LARP1: variants seen among roughly 807,000 people sequenced by gnomAD.
LARP1 encodes the protein la-related protein 1.
LARP1 carries 36 observed loss-of-function variants against 122.7 expected under a neutral mutation model. The observed-to-expected ratio is 0.29, with a 90% CI of 0.22 to 0.39. The LOEUF is 0.39. Among genes scored for constraint, LARP1 ranks in the 10% least tolerant of loss-of-function variants. LARP1 has a pLI of 1.00. For missense variants in LARP1, 1,040 were observed against 1,403.6 expected, an observed-to-expected ratio of 0.74 and a Z score of 4.14; for synonymous variants, 539 against 528.7, an observed-to-expected ratio of 1.02 and a Z score of -0.27.
intron 1 of LARP1, among the ~76,000 whole-genome samples, chr5:154,742,837 C>A (rs1440861849): frequency 5.9e-5 from 9 of 151,910 alleles, no homozygotes; most frequent in Non-Finnish European, 1.3e-4. Context: ...GAGGTCCCAA[C>A]AAGAAAAGGA....
chr5:154,693,821 A>C (rs1306226266), intron 1 of LARP1, among the ~76,000 whole-genome samples: 1 of 150,006 alleles, frequency 6.7e-6, no homozygotes, highest in African/African-American at 2.5e-5. Context: ...GCGCCACTGC[A>C]CTCCAGCCTG....
intron 18 of LARP1, 63 bp downstream of exon 18, chr5:154,811,703 A>C: frequency 6.3e-7 from 1 of 1,597,926 alleles, no homozygotes. Flanking sequence ...AGGAATCAGG[A>C]TACTTGGATT....
chr5:154,801,287 AT>A (rs1440235674), intron 10 of LARP1, among the ~76,000 whole-genome samples: 4 of 152,162 alleles, frequency 2.6e-5, no homozygotes, highest in African/African-American at 9.7e-5. Flanking sequence ...TGGCTTACTT[AT>A]GTTCATCCTG....
At chr5:154,730,098 T>A (rs1299697628) in intron 1 of LARP1, among the ~76,000 whole-genome samples, 1 of 152,360 alleles carries the variant, frequency 6.6e-6, no homozygotes, top group Non-Finnish European at 1.5e-5. Flanking sequence ...CAAAATATTA[T>A]AACACCAATA....
chr5:154,696,538 A>G (rs1426133189), intron 1 of LARP1, among the ~76,000 whole-genome samples: 1 of 152,218 alleles, frequency 6.6e-6, no homozygotes, highest in Non-Finnish European at 1.5e-5. Context: ...AAAGCCCTTC[A>G]TATGCATTGT....
At position 154,814,098 on chromosome 5, in the gene LARP1, A is replaced by C. The variant is rs1204901369; in HGVS notation, c.*2A>C. 13 of 1,614,054 alleles carry C rather than the reference A, an allele frequency of 8.1e-6. No individual in the cohort carries two copies. The highest frequency in any genetic ancestry group is 1.0e-5 in the Non-Finnish European group (12 of 1,179,982). On this transcript the variant is annotated 3_prime_UTR_variant, in exon 19 of 19. Coordinates refer to ENST00000518297, the MANE Select transcript of LARP1 (RefSeq NM_033551.3). ...AACACACAGACTTTGGGAAAGTGAAAAGCTCCTTAGCCCTGGGGCTTGAGG... is the reference window on the plus strand; with the variant it reads ...AACACACAGACTTTGGGAAAGTGAACAGCTCCTTAGCCCTGGGGCTTGAGG...
rs965446459 is a variant in LARP1, at chr5:154,817,070, G to A, written c.*2974G>A. On this transcript the variant is annotated 3_prime_UTR_variant, in exon 19 of 19. Transcript: ENST00000518297. ...TGATTGATTTTACAAAAGAAAGTAA[G>A]CTGCTTAGAAGGCCCTGGAAGGGAA... 2 of 149,736 alleles carry A rather than the reference G, an allele frequency of 1.3e-5. No individual in the cohort carries two copies. The highest frequency in any genetic ancestry group is 2.9e-5 in the Non-Finnish European group (2 of 67,806). 9.3% of individuals were successfully genotyped at this position (149,736 alleles called of 1,614,324 possible).
rs376492607 is a variant in LARP1, at chr5:154,745,745, C to T, written c.205+32615C>T. 9.8e-4 allele frequency among the ~76,000 whole-genome samples: 149 copies of T among 152,116 alleles called. 1 individual carries two copies. The highest frequency in any genetic ancestry group is 3.5e-3 in the African/African-American group (145 of 41,508). ...AACTCAGAGAAAGAAAGTGACTTGC[C>T]TGAGGTCACGCAGCTAGGAAGTGGG... On this transcript the variant is annotated intron_variant, in intron 1 of 18. Coordinates refer to the LARP1 transcript ENST00000336314.
upstream of LARP1, among the ~76,000 whole-genome samples, chr5:154,712,225 A>G (rs1755253017): frequency 6.6e-6 from 1 of 152,210 alleles, no homozygotes. Flanking sequence ...CTTTAAACCC[A>G]AGATTATATA....
chr5:154,684,207 C>T (rs1753818689), intron 1 of LARP1, among the ~76,000 whole-genome samples: 1 of 152,094 alleles, frequency 6.6e-6, no homozygotes, highest in Non-Finnish European at 1.5e-5. Flanking sequence ...CTTTGGGAGG[C>T]CAAGGCAGGA....
intron 1 of LARP1, among the ~76,000 whole-genome samples, chr5:154,727,743 A>C (rs1490856051): frequency 6.6e-6 from 1 of 152,246 alleles, no homozygotes; most frequent in Non-Finnish European, 1.5e-5. Flanking sequence ...CATGCTGTAC[A>C]TGATAAATAC....
At chr5:154,743,522 T>A (rs1406217192) in intron 1 of LARP1, among the ~76,000 whole-genome samples, 3 of 152,104 alleles carry the variant, frequency 2.0e-5, no homozygotes, top group Non-Finnish European at 4.4e-5. Flanking sequence ...TTGTCCAGGC[T>A]GGTCTCGAAC....
At chr5:154,786,925 C>T (rs2113750132) in intron 1 of LARP1, among the ~76,000 whole-genome samples, 1 of 151,144 alleles carries the variant, frequency 6.6e-6, no homozygotes, top group South Asian at 2.1e-4. Flanking sequence ...GTTGCCCAGG[C>T]TGGAGCACAA....
intron 1 of LARP1, among the ~76,000 whole-genome samples, chr5:154,726,120 GTGAGCCACCGCACC>G (rs781701562): frequency 1.9e-4 from 29 of 152,298 alleles, no homozygotes; most frequent in Non-Finnish European, 4.1e-4. Context: ...GATTACAGGT[GTGAGCCACCGCACC>G]TGGCCAACAT....
intron 1 of LARP1, among the ~76,000 whole-genome samples, chr5:154,779,667 C>T (rs1014868713): frequency 2.6e-5 from 4 of 152,206 alleles, no homozygotes; most frequent in Middle Eastern, 6.8e-3. Flanking sequence ...CGCCACCACA[C>T]CTGGCTAATT....
At chr5:154,712,795 C>T (rs888399255), upstream of LARP1, 12 of 750,554 alleles carry the variant, frequency 1.6e-5, no homozygotes, top group South Asian at 5.2e-5. Flanking sequence ...CTTAAAGGCA[C>T]CCAGCGTCTG....
chr5:154,691,923 G>T (rs1754237690), intron 1 of LARP1, among the ~76,000 whole-genome samples: 1 of 152,060 alleles, frequency 6.6e-6, no homozygotes, highest in Non-Finnish European at 1.5e-5. Context: ...CTGAGTAGCT[G>T]GGACTACAGG....
chr5:154,759,687 T>C (rs1016674377), intron 1 of LARP1, among the ~76,000 whole-genome samples: 3 of 152,180 alleles, frequency 2.0e-5, no homozygotes, highest in Non-Finnish European at 2.9e-5. Flanking sequence ...CCCCAACTTA[T>C]GATGGTTCAA....
intron 1 of LARP1, among the ~76,000 whole-genome samples, chr5:154,693,483 A>T (rs1260278470): frequency 1.8e-4 from 27 of 152,192 alleles, no homozygotes; most frequent in Admixed American, 3.3e-4. Context: ...TAAGAGATGA[A>T]TACATAGCTT....
Sources: gnomAD v4.1 joint callset for allele counts (sites outside exome capture counted in the v4.1 genomes callset) on GRCh38, gnomAD v4.1.1 for gene constraint, MANE v1.5 for transcripts, NCBI Gene and HGNC (gene_info 2026-07-23, HGNC 2026-07-21) for gene names.